DYNC1H1: variants seen among roughly 807,000 people sequenced by gnomAD.
The protein encoded by DYNC1H1 is dynein cytoplasmic 1 heavy chain 1.
DYNC1H1 carries 51 observed loss-of-function variants against 527.1 expected under a neutral mutation model. The ratio of observed to expected loss-of-function variants is 0.10; its 90% CI spans 0.08 to 0.12. DYNC1H1 has a LOEUF of 0.12. DYNC1H1 is among the 10% of genes least tolerant of loss of function. DYNC1H1 has a pLI of 1.00. For synonymous variants in DYNC1H1, 2,189 were observed against 2,278.8 expected (o/e 0.96, Z 1.12); for missense variants, 2,771 against 5,971.8 (o/e 0.46, Z 17.66).
chr14:102,007,646 A>G (rs568185903), intron 28 of DYNC1H1, among the ~76,000 whole-genome samples: 64 of 152,218 alleles, frequency 4.2e-4, no homozygotes, highest in South Asian at 1.5e-3. Flanking sequence ...CATTTCACAG[A>G]TGAGGAGATG....
In DYNC1H1 at chr14:102,049,723, G is replaced by T. The variant is rs2048778554; in HGVS notation, c.13525G>T (p.Val4509Leu). The T allele has an allele frequency of 6.2e-7, 1 of 1,613,896 alleles. No individual in the cohort carries two copies. The highest frequency in any genetic ancestry group is 8.5e-7 in the Non-Finnish European group (1 of 1,180,018). ...CTGCTGCTTTCCACAGAACATCCAC[G>T]TGTGCCTGGGTGGCCTGTTCGTGCC... ...GGAKELKNIH[V>L]CLGGLFVPEA... The change falls in exon 76 of 78, where the codon GTG (valine) becomes TTG (leucine). Residue 4509 changes from valine (V) to leucine (L), a missense_variant. Val to Leu is a conservative substitution (Grantham distance 32). Coordinates refer to ENST00000360184, the MANE Select transcript of DYNC1H1 (RefSeq NM_001376.5). This position sits in a 1 kb window ranked among gnomAD's most constrained non-coding sequence, Gnocchi z 5.5.
In DYNC1H1 at chr14:101,986,019, T is replaced by G; in HGVS notation, c.1794T>G (p.Arg598=). ...CACTGTTTGTCAGGCCTCACATCCG[T>G]GGGGCCATTCGCGAATACCAGACCC... The part of the protein sequence containing the change: ...FNALFVRPHI[R]GAIREYQTQL... Residue 598 remains arginine, a synonymous_variant, in exon 8 of 78, where the codon CGT becomes CGG. Transcript: ENST00000360184. This position sits in a 1 kb window ranked among gnomAD's most constrained non-coding sequence, Gnocchi z 8.7. 6.2e-7 allele frequency: 1 copy of G among 1,614,180 alleles called. No individual in the cohort carries two copies. The highest frequency in any genetic ancestry group is 8.5e-7 in the Non-Finnish European group (1 of 1,180,034).
In DYNC1H1 at chr14:102,049,403, G is replaced by A; in HGVS notation, c.13373-37G>A. The stretch of plus-strand genomic sequence containing the variant: ...TCCATCTGTGCTGGGGGAGTTGTGA[G>A]AGCTGACACCCTGGGCTCTGTGTGC... On this transcript the variant is annotated intron_variant, in intron 74 of 77. Coordinates refer to ENST00000360184, the MANE Select transcript of DYNC1H1 (RefSeq NM_001376.5). The surrounding 1 kb of genome is among the most constrained non-coding windows in gnomAD (Gnocchi z 5.5). 1.9e-6 allele frequency: 3 copies of A among 1,612,980 alleles called. No homozygotes were observed. The highest frequency in any genetic ancestry group is 1.3e-5 in the African/African-American group (1 of 75,026).
rs764092341 is a variant in DYNC1H1 at position 102,027,831 on chromosome 14, C to T, written c.9261C>T (p.Asn3087=). ...DRAATSPALF[N]RCVLNWFGDW... is the part of the protein sequence containing the mutation. ...CAGCTACATCACCAGCACTTTTCAACAGGTACGTGGGCCTTTACTTGGCTC... is the reference window on the plus strand; with the variant it reads ...CAGCTACATCACCAGCACTTTTCAATAGGTACGTGGGCCTTTACTTGGCTC... The change falls in exon 47 of 78, where the codon AAC becomes AAT. Residue 3087 remains asparagine, a splice_region_variant and synonymous_variant. Transcript: ENST00000360184. This position sits in a 1 kb window ranked among gnomAD's most constrained non-coding sequence, Gnocchi z 7.7. 11 of 1,614,208 alleles carry T rather than the reference C, an allele frequency of 6.8e-6. No homozygotes were observed. Among genetic ancestry groups the T allele is most frequent in the East Asian group, 2.2e-5 (1 of 44,878 alleles).
Position 102,042,663 on chromosome 14 carries a change from G to T in DYNC1H1, c.12428G>T (p.Arg4143Leu). ...CCTGTGAATCTGCTCCGTGCGGGCC[G>T]CATCTTTGTGTTCGAGCCACCGCCA... Reference protein sequence around the residue: ...KVPVNLLRAGRIFVFEPPPGV... With the variant: ...KVPVNLLRAGLIFVFEPPPGV... Residue 4143 changes from arginine to leucine, a missense_variant, in exon 69 of 78, where the codon CGC (arginine) becomes CTC (leucine). Around this residue, in one of 32 missense-constraint regions of DYNC1H1, gnomAD observed 195 missense variants for 428.6 expected, o/e 0.45. Coordinates refer to ENST00000360184, the MANE Select transcript of DYNC1H1 (RefSeq NM_001376.5). This position sits in a 1 kb window ranked among gnomAD's most constrained non-coding sequence, Gnocchi z 5.7. 1 of 1,614,130 alleles carries T rather than the reference G, an allele frequency of 6.2e-7. No individual in the cohort carries two copies. Among genetic ancestry groups the T allele is most frequent in the Non-Finnish European group, 8.5e-7 (1 of 1,180,026 alleles).
At position 102,015,143 on chromosome 14, in the gene DYNC1H1, G is replaced by A. The variant is rs1389824040; in HGVS notation, c.7053G>A (p.Ala2351=). 7 of 1,614,194 alleles carry A rather than the reference G, an allele frequency of 4.3e-6. No homozygotes were observed. Among genetic ancestry groups the A allele is most frequent in the African/African-American group, 1.3e-5 (1 of 75,034 alleles). ...TTGAGGTACAGGACTTGAAATACGCGACCTTGGCCACAGTGTCGCGCTGCG... is the reference window on the plus strand; with the variant it reads ...TTGAGGTACAGGACTTGAAATACGCAACCTTGGCCACAGTGTCGCGCTGCG... The part of the protein sequence containing the change: ...IMFEVQDLKY[A]TLATVSRCGM... Residue 2351 remains alanine (A), a synonymous_variant, in exon 35 of 78, where the codon GCG becomes GCA. Coordinates refer to ENST00000360184, the MANE Select transcript of DYNC1H1 (RefSeq NM_001376.5). This position sits in a 1 kb window ranked among gnomAD's most constrained non-coding sequence, Gnocchi z 6.9.
rs1296806918 is a variant in DYNC1H1, at chr14:102,038,130, A to G, written c.10909-330A>G. ...GTAGCTGGGACTACAGGCATGTGCC[A>G]TACACCCCCAGCTAACTTTCGTATT... is the stretch of plus-strand genomic sequence containing the variant. On this transcript the variant is annotated intron_variant, in intron 57 of 77. Transcript: ENST00000360184. This position sits in a 1 kb window ranked among gnomAD's most constrained non-coding sequence, Gnocchi z 7.2. 1.3e-5 allele frequency: 5 copies of G among 378,726 alleles called. No homozygotes were observed. The highest frequency in any genetic ancestry group is 1.5e-5 in the Non-Finnish European group (3 of 196,426). The allele number at this position is 378,726 out of a possible 1,614,324, so 23.5% of individuals were successfully genotyped here. A position where few individuals can be genotyped will look rare whatever the true frequency, so the allele number is the denominator to read the frequency against.
rs1567004892 is a variant in DYNC1H1 at position 101,998,884 on chromosome 14, T to TTTTTTGTTTTTTTTTTTTTG, written c.3805-1100_3805-1099insGTTTTTTTTTTTTTGTTTTT. On this transcript the variant is annotated intron_variant, in intron 16 of 77. Transcript: ENST00000360184. Reference sequence around the variant, plus strand: ...TGTTAGAGTTAAAACTTTTTCTTTTTTTTTTTTTTTTTTTTGAGACGGAGT... The same window carrying TTTTTTGTTTTTTTTTTTTTG: ...TGTTAGAGTTAAAACTTTTTCTTTTTTTTTTGTTTTTTTTTTTTTGTTTTTTTTTTTTTTTGAGACGGAGT... 3.4e-4 allele frequency among the ~76,000 whole-genome samples: 48 copies of TTTTTTGTTTTTTTTTTTTTG among 142,348 alleles called. 2 individuals carry two copies. Among genetic ancestry groups the TTTTTTGTTTTTTTTTTTTTG allele is most frequent in the African/African-American group, 1.3e-3 (47 of 35,432 alleles). The allele number at this position is 142,348 out of a possible 152,430, so 93.4% of individuals were successfully genotyped here. A position where few individuals can be genotyped will look rare whatever the true frequency, so the allele number is the denominator to read the frequency against.
At position 101,983,672 on chromosome 14, in the gene DYNC1H1, G is replaced by GTTTTTTTTTTTTTTTTTTT; in HGVS notation, c.1461+73_1461+74insTTTTTTTTTTTTTTTTTTT. 2.2e-6 allele frequency: 3 copies of GTTTTTTTTTTTTTTTTTTT among 1,334,942 alleles called. No individual in the cohort carries two copies. The highest frequency in any genetic ancestry group is 2.3e-4 in the Middle Eastern group (1 of 4,320). The allele number at this position is 1,334,942 out of a possible 1,614,324, so 82.7% of individuals were successfully genotyped here. On this transcript the variant is annotated intron_variant, in intron 7 of 77. Transcript: ENST00000360184. This position sits in a 1 kb window ranked among gnomAD's most constrained non-coding sequence, Gnocchi z 5.3. ...GTTTTTGTTTTGTTTTTTGTTTGGT[G>GTTTTTTTTTTTTTTTTTTT]TTTTTTTTTTGTTGTTGTTGTTGAG... is the stretch of plus-strand genomic sequence containing the variant.
Position 102,018,844 on chromosome 14 carries a change from C to CA in DYNC1H1, c.8343+229dup, listed in dbSNP as rs879622377. 6.6e-6 allele frequency among the ~76,000 whole-genome samples: 1 copy of CA among 152,070 alleles called. No homozygotes were observed. The highest frequency in any genetic ancestry group is 1.5e-5 in the Non-Finnish European group (1 of 68,018). The stretch of plus-strand genomic sequence containing the variant: ...GTGCATGCTTGTAATGTCAGCTTCC[C>CA]AGGAGGCTGAGGTGGGAGAGTTGCT... On this transcript the variant is annotated intron_variant, in intron 41 of 77. Coordinates refer to ENST00000360184, the MANE Select transcript of DYNC1H1 (RefSeq NM_001376.5). This position sits in a 1 kb window ranked among gnomAD's most constrained non-coding sequence, Gnocchi z 5.2.
At chr14:102,014,087 C>A (rs1446640179) in intron 34 of DYNC1H1, among the ~76,000 whole-genome samples, 1 of 152,196 alleles carries the variant, frequency 6.6e-6, no homozygotes, top group Non-Finnish European at 1.5e-5. Flanking sequence ...TCTCTGACAG[C>A]TGATCCAGTA....
In DYNC1H1 at chr14:102,012,252, A is replaced by T. The variant is rs1158955168; in HGVS notation, c.6858-62A>T. The T allele has an allele frequency of 6.8e-6, 11 of 1,613,586 alleles. No homozygotes were observed. Among genetic ancestry groups the T allele is most frequent in the Middle Eastern group, 1.6e-4 (1 of 6,084 alleles). On this transcript the variant is annotated intron_variant, in intron 33 of 77. Transcript: ENST00000360184. This position sits in a 1 kb window ranked among gnomAD's most constrained non-coding sequence, Gnocchi z 4.9. ...GTCATTTCAGAAACCATCATCGGTAAACATGCCTAATGTTAAAATCTTGAT... is the reference window on the plus strand; with the variant it reads ...GTCATTTCAGAAACCATCATCGGTATACATGCCTAATGTTAAAATCTTGAT...
chr14:101,993,087 T>C (rs2048016929), intron 11 of DYNC1H1, among the ~76,000 whole-genome samples: 1 of 151,898 alleles, frequency 6.6e-6, no homozygotes, highest in African/African-American at 2.4e-5. Flanking sequence ...CGGAGTCGCG[T>C]CACACTGAGC....
At chr14:102,024,763 C>T (rs571410714) in intron 43 of DYNC1H1, among the ~76,000 whole-genome samples, 6 of 140,460 alleles carry the variant, frequency 4.3e-5, no homozygotes, top group Non-Finnish European at 7.5e-5. Flanking sequence ...GGTGCTTTCT[C>T]GGCTCACTGC....
At chr14:102,047,226 CTG>C (rs757495589) in intron 72 of DYNC1H1, among the ~76,000 whole-genome samples, 1 of 152,152 alleles carries the variant, frequency 6.6e-6, no homozygotes, top group Non-Finnish European at 1.5e-5. Flanking sequence ...AGGCCATTGT[CTG>C]TGCTTTAAAA....
chr14:102,047,841 T>G lies in DYNC1H1; in HGVS notation c.13031T>G (p.Leu4344Arg). Residue 4344 changes from leucine to arginine, a missense_variant, in exon 73 of 78, where the codon CTG becomes CGG. This residue lies in a region of DYNC1H1 where 170 missense variants were observed against 249.8 expected (regional missense o/e 0.68). Transcript: ENST00000360184. ...TQGVDMISKM[L>R]KMQMLEDEDD... Reference sequence around the variant, plus strand: ...GGTGTGGACATGATCAGTAAAATGCTGAAGATGCAGATGTTGGAGGATGAG... The same window carrying G: ...GGTGTGGACATGATCAGTAAAATGCGGAAGATGCAGATGTTGGAGGATGAG... The G allele has an allele frequency of 6.2e-7, 1 of 1,613,458 alleles. No individual in the cohort carries two copies. Among genetic ancestry groups the G allele is most frequent in the Non-Finnish European group, 8.5e-7 (1 of 1,179,996 alleles).
At position 101,999,995 on chromosome 14, in the gene DYNC1H1, C is replaced by T. The variant is rs2048111759; in HGVS notation, c.3811C>T (p.Leu1271Phe). 1.2e-6 allele frequency: 2 copies of T among 1,614,082 alleles called. No homozygotes were observed. The highest frequency in any genetic ancestry group is 2.2e-5 in the South Asian group (2 of 91,084). ...GTGCTCTGACTGCTTTCAGGGCAAC[C>T]TTCGCCCAGAAGAGGCACTTCAGGC... ...WEKTKPVTGNLRPEEALQALT... is the reference protein window; with the variant it reads ...WEKTKPVTGNFRPEEALQALT... The change falls in exon 17 of 78, where the codon CTT becomes TTT. Residue 1271 changes from leucine (L) to phenylalanine (F), a missense_variant. Coordinates refer to ENST00000360184, the MANE Select transcript of DYNC1H1 (RefSeq NM_001376.5).
Position 102,026,655 on chromosome 14 carries a change from G to A in DYNC1H1, c.8719G>A (p.Val2907Ile). ...GGTCTTTTATGAAGAAGAACTTGAT[G>A]TTCCGCTGGTGCTGTTTAATGAAGT... The part of the protein sequence containing the change: ...LKVFYEEELD[V>I]PLVLFNEVLD... The change falls in exon 44 of 78, where the codon GTT (valine) becomes ATT (isoleucine). Residue 2907 changes from valine to isoleucine, a missense_variant. Val to Ile is a conservative substitution (Grantham distance 29). Coordinates refer to ENST00000360184, the MANE Select transcript of DYNC1H1 (RefSeq NM_001376.5). 1 of 1,614,200 alleles carries A rather than the reference G, an allele frequency of 6.2e-7. No homozygotes were observed. Among genetic ancestry groups the A allele is most frequent in the Non-Finnish European group, 8.5e-7 (1 of 1,180,040 alleles).
rs751475618 is a variant in DYNC1H1 at position 101,986,721 on chromosome 14, T to C, written c.2496T>C (p.Tyr832=). ...LVWESYKLDP[Y]VQRLAETVFN... is the part of the protein sequence containing the mutation. ...GGGAGTCCTACAAACTTGACCCATA[T>C]GTACAGCGCTTAGCAGAGACTGTCT... The change falls in exon 8 of 78, where the codon TAT becomes TAC. Residue 832 remains tyrosine, a synonymous_variant. Coordinates refer to ENST00000360184, the MANE Select transcript of DYNC1H1 (RefSeq NM_001376.5). This position sits in a 1 kb window ranked among gnomAD's most constrained non-coding sequence, Gnocchi z 8.7. The C allele has an allele frequency of 5.6e-6, 9 of 1,614,090 alleles. No individual in the cohort carries two copies. The highest frequency in any genetic ancestry group is 5.3e-5 in the African/African-American group (4 of 74,916).
Sources: allele counts gnomAD v4.1 joint callset (sites outside exome capture counted in the v4.1 genomes callset), GRCh38; gene constraint gnomAD v4.1.1; regional missense constraint gnomAD v4.1.1; non-coding constraint Gnocchi (gnomAD v3.1); transcripts MANE v1.5; gene names NCBI Gene and HGNC (gene_info 2026-07-23, HGNC 2026-07-21).